IGF2R: variants seen among roughly 807,000 people sequenced by gnomAD.
IGF2R encodes the protein insulin like growth factor 2 receptor.
A neutral mutation model predicts 270.6 loss-of-function variants in IGF2R; 91 were observed. The observed-to-expected ratio is 0.34, with a 90% CI of 0.28 to 0.40. IGF2R has a LOEUF of 0.40. IGF2R is among the 10% of genes least tolerant of loss of function. The pLI is 1.00. For missense variants in IGF2R, 2,805 were observed against 3,188.3 expected (o/e 0.88, Z 2.90); for synonymous variants, 1,316 against 1,258.9 (o/e 1.05, Z -0.96).
rs979942440 is a variant in IGF2R at position 160,073,596 on chromosome 6, A to G, written c.4947+127A>G. Reference sequence around the variant, plus strand: ...ACTGTCCACTCCTGATCACCCCAATAATAAAGTTGACTGGAAGTGCCCAGT... The same window carrying G: ...ACTGTCCACTCCTGATCACCCCAATGATAAAGTTGACTGGAAGTGCCCAGT... On this transcript the variant is annotated intron_variant, in intron 34 of 47. Coordinates refer to ENST00000356956, the MANE Select transcript of IGF2R (RefSeq NM_000876.4). The G allele has an allele frequency of 9.2e-6, 11 of 1,201,824 alleles. No individual in the cohort carries two copies. In the African/African-American group the frequency reaches 1.7e-4, roughly 18 times the overall value. The allele number at this position is 1,201,824 out of a possible 1,614,324, so 74.4% of individuals were successfully genotyped here.
chr6:160,051,813 T>G (rs1013007006), intron 19 of IGF2R, among the ~76,000 whole-genome samples: 2 of 151,962 alleles, frequency 1.3e-5, no homozygotes, highest in Admixed American at 1.3e-4. Context: ...AAAAAAAAAT[T>G]TAGCCAAGTG....
At chr6:160,098,688 GCA>G (rs1562378907) in intron 45 of IGF2R, among the ~76,000 whole-genome samples, 1 of 152,094 alleles carries the variant, frequency 6.6e-6, no homozygotes, top group Non-Finnish European at 1.5e-5. Context: ...GTGTGGTGGT[GCA>G]CACCTGTAAT....
At position 160,050,202 on chromosome 6, in the gene IGF2R, C is replaced by T. The variant is rs564608664; in HGVS notation, c.2515-271C>T. 8.5e-5 allele frequency among the ~76,000 whole-genome samples: 13 copies of T among 152,310 alleles called. No individual in the cohort carries two copies. The South Asian group carries it at 2.7e-3, about 32-fold the overall frequency. ...TTCTGTAGCAATAATGGGGATGTGA[C>T]TAGTATCTAGTGCTATGTGACTTTC... On this transcript the variant is annotated intron_variant, in intron 18 of 47. Transcript: ENST00000356956. The surrounding 1 kb of genome is among the most constrained non-coding windows in gnomAD (Gnocchi z 4.0).
intron 1 of IGF2R, among the ~76,000 whole-genome samples, chr6:159,989,436 C>T (rs1783943303): frequency 6.6e-6 from 1 of 152,086 alleles, no homozygotes; most frequent in African/African-American, 2.4e-5. Flanking sequence ...GGGAGTACTG[C>T]ATAGGGTGAA....
chr6:160,044,274 C>T (rs1303137825), intron 12 of IGF2R, among the ~76,000 whole-genome samples: 1 of 152,160 alleles, frequency 6.6e-6, no homozygotes, highest in East Asian at 1.9e-4. Flanking sequence ...CTGGCTGAAC[C>T]TATGGATGAC....
intron 35 of IGF2R, 63 bp from the exon 36 acceptor site, chr6:160,075,784 A>T: frequency 6.4e-7 from 1 of 1,553,938 alleles, no homozygotes; most frequent in East Asian, 2.3e-5. Flanking sequence ...TCAATTCTTA[A>T]TTCCACTAAC....
At chr6:159,980,014 C>T (rs796184311) in intron 1 of IGF2R, among the ~76,000 whole-genome samples, 3 of 152,074 alleles carry the variant, frequency 2.0e-5, no homozygotes, top group South Asian at 2.1e-4. Flanking sequence ...CCTGTCTCTA[C>T]TAAAAATACA....
rs1779583540 is a variant in IGF2R at position 160,105,028 on chromosome 6, T to C, written c.7420T>C (p.Ser2474Pro). The C allele has an allele frequency of 2.5e-6, 4 of 1,612,064 alleles. No homozygotes were observed. The highest frequency in any genetic ancestry group is 3.4e-6 in the Non-Finnish European group (4 of 1,179,028). ...CTCTGCACAGCAGAAGACAGTGAGC[T>C]CCACCAAGCTGGTGTCCTTCCATGA... ...SSSAQQKTVS[S>P]TKLVSFHDDS... The change falls in exon 48 of 48, where the codon TCC (serine) becomes CCC (proline). Residue 2474 changes from serine to proline, a missense_variant. Around this residue, in one of 2 missense-constraint regions of IGF2R, gnomAD observed 1,851 missense variants for 2,207.2 expected, o/e 0.84. Coordinates refer to ENST00000356956, the MANE Select transcript of IGF2R (RefSeq NM_000876.4).
At chr6:160,020,488 A>G (rs902529800) in intron 4 of IGF2R, among the ~76,000 whole-genome samples, 6 of 152,186 alleles carry the variant, frequency 3.9e-5, no homozygotes, top group African/African-American at 1.2e-4. Flanking sequence ...TAATAGCCAA[A>G]CCAATCTTAA....
intron 36 of IGF2R, among the ~76,000 whole-genome samples, chr6:160,076,842 G>T (rs1778864749): frequency 6.6e-6 from 1 of 152,238 alleles, no homozygotes; most frequent in Non-Finnish European, 1.5e-5. Context: ...CACAGGATCT[G>T]GGGGTGTGAG....
At chr6:160,033,940 T>C (rs8191767) in intron 9 of IGF2R, among the ~76,000 whole-genome samples, 211 of 152,304 alleles carry the variant, frequency 1.4e-3, no homozygotes, top group African/African-American at 5.0e-3. Context: ...AACAGAAAAC[T>C]GCAAAAACCC....
intron 45 of IGF2R, among the ~76,000 whole-genome samples, chr6:160,096,927 C>T (rs576593177): frequency 3.5e-4 from 54 of 152,284 alleles, no homozygotes; most frequent in African/African-American, 1.1e-3. Context: ...CCAGCTCTGT[C>T]CCTCTACCCT....
At chr6:160,074,342 C>T (rs1385097455) in intron 35 of IGF2R, among the ~76,000 whole-genome samples, 5 of 152,220 alleles carry the variant, frequency 3.3e-5, no homozygotes, top group Admixed American at 3.3e-4. Flanking sequence ...GTAGTTAAAA[C>T]GCTTGCGAAA....
chr6:159,969,224 CCGCGCAGTCCGGGCCCGG>C lies in IGF2R; in HGVS notation c.-18_-1del. On this transcript the variant is annotated 5_prime_UTR_variant, in exon 1 of 48. Transcript: ENST00000356956. ...TCGCGCGCCGTTAGCCTCGCGCCCG[CCGCGCAGTCCGGGCCCGG>C]CGCGATGGGGGCCGCCGCCGGCCGG... The C allele has an allele frequency of 1.0e-6, 1 of 987,342 alleles. No homozygotes were observed. Among genetic ancestry groups the C allele is most frequent in the Non-Finnish European group, 1.2e-6 (1 of 832,100 alleles). The allele number at this position is 987,342 out of a possible 1,614,324, so 61.2% of individuals were successfully genotyped here.
At chr6:160,072,560 G>C (rs1229828079) in intron 32 of IGF2R, among the ~76,000 whole-genome samples, 1 of 152,338 alleles carries the variant, frequency 6.6e-6, no homozygotes, top group South Asian at 2.1e-4. Flanking sequence ...GATCTTTTCA[G>C]CTAAGGATGG....
chr6:160,000,802 C>T (rs1257737871), intron 2 of IGF2R, among the ~76,000 whole-genome samples: 1 of 133,024 alleles, frequency 7.5e-6, no homozygotes, highest in African/African-American at 2.8e-5. Context: ...GTGGCGCCAT[C>T]TTGGCTCACT....
chr6:160,058,986 T>A lies in IGF2R; in HGVS notation c.2979T>A (p.Thr993=). 1 of 1,614,202 alleles carries A rather than the reference T, an allele frequency of 6.2e-7. No individual in the cohort carries two copies. The highest frequency in any genetic ancestry group is 8.5e-7 in the Non-Finnish European group (1 of 1,180,024). The change falls in exon 22 of 48, where the codon ACT becomes ACA. Residue 993 remains threonine (T), a synonymous_variant. Transcript: ENST00000356956. ...CTGGCTGTGAGGCAGAAACCCAAACTGAAGAGCTCAAGAATTGGAAGCCAG... is the reference window on the plus strand; with the variant it reads ...CTGGCTGTGAGGCAGAAACCCAAACAGAAGAGCTCAAGAATTGGAAGCCAG... ...PASGCEAETQ[T]EELKNWKPAR...
chr6:160,102,069 CG>C lies in IGF2R; in HGVS notation c.6843-449del, dbSNP rs766314589. Among the ~76,000 whole-genome samples the C allele has an allele frequency of 5.9e-5, 9 of 152,298 alleles. No individual in the cohort carries two copies. The highest frequency in any genetic ancestry group is 1.9e-4 in the East Asian group (1 of 5,170). ...TTTCTAAGGCCCCCTGGGCCCCTTT[CG>C]TGTGGAGATGGTGTCTCATGGTGGG... is the stretch of plus-strand genomic sequence containing the variant. On this transcript the variant is annotated intron_variant, in intron 45 of 47. Transcript: ENST00000356956. This position sits in a 1 kb window ranked among gnomAD's most constrained non-coding sequence, Gnocchi z 4.5.
chr6:160,070,719 G>T (rs1279885043), intron 31 of IGF2R, among the ~76,000 whole-genome samples: 2 of 152,218 alleles, frequency 1.3e-5, no homozygotes, highest in Non-Finnish European at 2.9e-5. Context: ...AAGCTCGGTG[G>T]CTGAGTTGGG....
Sources: gnomAD v4.1 joint callset for allele counts (sites outside exome capture counted in the v4.1 genomes callset) on GRCh38, gnomAD v4.1.1 for gene constraint, gnomAD v4.1.1 regional missense constraint, Gnocchi (gnomAD v3.1) non-coding constraint, MANE v1.5 for transcripts, NCBI Gene and HGNC (gene_info 2026-07-23, HGNC 2026-07-21) for gene names.